The following SAFB variants were observed in gnomAD, a reference collection of about 807,000 sequenced individuals.
The protein encoded by SAFB is scaffold attachment factor B1.
SAFB carries 15 observed loss-of-function variants against 101.6 expected under a neutral mutation model. The ratio of observed to expected loss-of-function variants is 0.15; its 90% confidence interval spans 0.10 to 0.23. The LOEUF is 0.23. Among genes scored for constraint, SAFB ranks in the 10% least tolerant of loss-of-function variants. SAFB has a pLI of 1.00. For synonymous variants in SAFB, 449 were observed against 407.5 expected (o/e 1.10, Z -1.23); for missense variants, 930 against 1,104.1 (o/e 0.84, Z 2.23).
At chr19:5,630,522 G>A (rs531412921) in intron 2 of SAFB, among the ~76,000 whole-genome samples, 14 of 152,094 alleles carry the variant, frequency 9.2e-5, no homozygotes, top group South Asian at 2.1e-4. Flanking sequence ...GTAATCCCAC[G>A]ATGCAGGTGG....
chr19:5,658,389 G>A (rs925865759), intron 14 of SAFB, among the ~76,000 whole-genome samples: 5 of 152,094 alleles, frequency 3.3e-5, no homozygotes, highest in African/African-American at 4.8e-5. Context: ...GAAATACTTC[G>A]TTAACTTTAG....
In SAFB at chr19:5,668,200, A is replaced by G. The variant is rs371779844; in HGVS notation, c.2663A>G (p.His888Arg). 1 of 1,606,640 alleles carries G rather than the reference A, an allele frequency of 6.2e-7. No homozygotes were observed. Among genetic ancestry groups the G allele is most frequent in the Non-Finnish European group, 8.5e-7 (1 of 1,178,058 alleles). Residue 888 changes from histidine (H) to arginine (R), a missense_variant, in exon 21 of 21, where the codon CAC becomes CGC. His to Arg is a conservative substitution (Grantham distance 29, BLOSUM62 0). Coordinates refer to ENST00000588852, the MANE Select transcript of SAFB (RefSeq NM_001201338.2). ...SFAPGGASRG[H>R]PIPHGGMQGG... ...GCCCCAGGCGGGGCCTCCCGGGGCC[A>G]CCCCATCCCACACGGTGGCATGCAG... is the stretch of plus-strand genomic sequence containing the variant.
chr19:5,634,997 G>T (rs2053564862), intron 2 of SAFB, among the ~76,000 whole-genome samples: 1 of 151,978 alleles, frequency 6.6e-6, no homozygotes. Flanking sequence ...AATTAACCGG[G>T]TGTGGTGGCA....
At position 5,664,094 on chromosome 19, in the gene SAFB, C is replaced by T. The variant is rs2051266645; in HGVS notation, c.2226C>T (p.Arg742=). Residue 742 remains arginine, a synonymous_variant, in exon 16 of 21, where the codon CGC becomes CGT. Coordinates refer to ENST00000588852, the MANE Select transcript of SAFB (RefSeq NM_001201338.2). ...AGCGCTACCATTCTGACTTTAACCG[C>T]CAGGACCGCTTCCACGACTTTGACC... The part of the protein sequence containing the change: ...LDERYHSDFN[R]QDRFHDFDHR... 1 of 1,614,068 alleles carries T rather than the reference C, an allele frequency of 6.2e-7. No individual in the cohort carries two copies. Among genetic ancestry groups the T allele is most frequent in the Non-Finnish European group, 8.5e-7 (1 of 1,180,020 alleles).
intron 9 of SAFB, among the ~76,000 whole-genome samples, chr19:5,651,518 AACCTC>A (rs2053937566): frequency 6.6e-6 from 1 of 152,156 alleles, no homozygotes; most frequent in African/African-American, 2.4e-5. Context: ...CCATTGACTG[AACCTC>A]ACCTCAGCAG....
At chr19:5,638,940 T>C (rs1444262550) in intron 2 of SAFB, among the ~76,000 whole-genome samples, 1 of 152,032 alleles carries the variant, frequency 6.6e-6, no homozygotes, top group African/African-American at 2.4e-5. Flanking sequence ...CAGGCTGTTC[T>C]CAAACTCTTC....
chr19:5,666,954 CGTT>C (rs1739531423), intron 17 of SAFB, 89 bp from the exon 18 acceptor site: 4 of 821,304 alleles, frequency 4.9e-6, no homozygotes, highest in South Asian at 4.0e-5. Context: ...GAGTGACTGT[CGTT>C]GTCATCGTTA....
At chr19:5,661,867 C>A in intron 15 of SAFB, 59 bp downstream of exon 15, 1 of 1,173,314 alleles carries the variant, frequency 8.5e-7, no homozygotes, top group Non-Finnish European at 1.2e-6. Flanking sequence ...AGGGACCTCA[C>A]AGTCCAGTTA....
chr19:5,625,945 G>C (rs2053349407), intron 1 of SAFB, among the ~76,000 whole-genome samples: 1 of 152,208 alleles, frequency 6.6e-6, no homozygotes, highest in Non-Finnish European at 1.5e-5. Flanking sequence ...GCACGGCGTG[G>C]AGGGAGTCCC....
At chr19:5,642,579 G>A (rs1212410019) in intron 4 of SAFB, among the ~76,000 whole-genome samples, 1 of 150,456 alleles carries the variant, frequency 6.6e-6, no homozygotes, top group African/African-American at 2.4e-5. Flanking sequence ...CATATCAAAT[G>A]GATAGTAAGA....
intron 5 of SAFB, among the ~76,000 whole-genome samples, chr19:5,646,938 CTCAG>C (rs1367872632): frequency 1.3e-5 from 2 of 152,288 alleles, no homozygotes; most frequent in East Asian, 1.9e-4. Flanking sequence ...GGGCAAGTTA[CTCAG>C]TCTGTCTGGT....
chr19:5,660,495 G>A (rs1006948393), intron 14 of SAFB, among the ~76,000 whole-genome samples: 7 of 151,026 alleles, frequency 4.6e-5, no homozygotes, highest in East Asian at 1.9e-4. Context: ...TAGCTACCAC[G>A]CCTGGCTAAT....
At chr19:5,630,332 G>A (rs2053461761) in intron 2 of SAFB, among the ~76,000 whole-genome samples, 1 of 152,096 alleles carries the variant, frequency 6.6e-6, no homozygotes, top group Non-Finnish European at 1.5e-5. Context: ...GTCTTATTGA[G>A]TTATAAAGAC....
At chr19:5,630,608 T>C (rs1320021841) in intron 2 of SAFB, among the ~76,000 whole-genome samples, 1 of 151,124 alleles carries the variant, frequency 6.6e-6, no homozygotes, top group African/African-American at 2.4e-5. Context: ...ATACAAAAAT[T>C]ATCTGGGTGT....
intron 14 of SAFB, among the ~76,000 whole-genome samples, chr19:5,657,951 A>T (rs982482610): frequency 6.6e-6 from 1 of 152,206 alleles, no homozygotes; most frequent in African/African-American, 2.4e-5. Flanking sequence ...GCTCCAGAAG[A>T]TGTGAAAGCA....
chr19:5,664,128 C>G lies in SAFB; in HGVS notation c.2260C>G (p.Arg754Gly), dbSNP rs1486937228. Residue 754 changes from arginine to glycine, a missense_variant, in exon 16 of 21, where the codon CGC (arginine) becomes GGC (glycine). Transcript: ENST00000588852. ...DRFHDFDHRD[R>G]GRYPDHSVDR... is the part of the protein sequence containing the mutation. ...CTTCCACGACTTTGACCACAGGGAC[C>G]GCGGCCGCTACCCCGACCACTCGGT... 6 of 1,613,940 alleles carry G rather than the reference C, an allele frequency of 3.7e-6. No homozygotes were observed. The highest frequency in any genetic ancestry group is 5.1e-6 in the Non-Finnish European group (6 of 1,180,016).
intron 2 of SAFB, among the ~76,000 whole-genome samples, chr19:5,628,357 T>G (rs2053414904): frequency 1.3e-5 from 2 of 152,222 alleles, no homozygotes; most frequent in African/African-American, 4.8e-5. Context: ...TTTCATTTTT[T>G]GGATTTTGTG....
At chr19:5,630,655 C>T (rs2145403291) in intron 2 of SAFB, among the ~76,000 whole-genome samples, 1 of 151,444 alleles carries the variant, frequency 6.6e-6, no homozygotes, top group South Asian at 2.1e-4. Context: ...ACTTGAGAGG[C>T]TGAGGCAGGA....
chr19:5,626,196 G>A (rs2053356038), intron 1 of SAFB, among the ~76,000 whole-genome samples: 2 of 152,136 alleles, frequency 1.3e-5, no homozygotes, highest in African/African-American at 4.8e-5. Context: ...AAACCTGCCT[G>A]GGACCACCCA....
Sources: allele counts gnomAD v4.1 joint callset (sites outside exome capture counted in the v4.1 genomes callset), GRCh38; gene constraint gnomAD v4.1.1; transcripts MANE v1.5; gene names NCBI Gene and HGNC (gene_info 2026-07-23, HGNC 2026-07-21).